Variants in SNRNP200 observed in about 807,000 individuals in gnomAD.
The protein encoded by SNRNP200 is U5 small nuclear ribonucleoprotein 200 kDa helicase.
SNRNP200 carries 66 observed loss-of-function variants against 255.2 expected under a neutral mutation model. That is an observed-to-expected ratio of 0.26 (90% confidence interval 0.21 to 0.32). The LOEUF (loss-of-function observed/expected upper bound fraction) is 0.32, where lower values mean the gene tolerates loss of function less well. SNRNP200 is among the 10% of genes least tolerant of loss of function. The probability of loss-of-function intolerance (pLI) is 1.00; values close to 1 mark genes in which losing one functional copy is unlikely to be tolerated. For synonymous variants in SNRNP200, 939 were observed against 1,027.8 expected, an observed-to-expected ratio of 0.91 and a Z score of 1.65; for missense variants, 1,585 against 2,749.8, an observed-to-expected ratio of 0.58 and a Z score of 9.47.
At chr2:96,276,823 G>A in intron 43 of SNRNP200, 81 bp downstream of exon 43, 1 of 1,268,996 alleles carries the variant, frequency 7.9e-7, no homozygotes, top group Admixed American at 1.7e-5. Context: ...CCTCCCTCAG[G>A]GACAGTGTGC....
In SNRNP200 at chr2:96,274,720, A is replaced by G; in HGVS notation, c.*292T>C. On this transcript the variant is annotated 3_prime_UTR_variant, in exon 45 of 45. Transcript: ENST00000323853. The stretch of plus-strand genomic sequence containing the variant: ...AGAAAACTTTTAATTTGGAATCACT[A>G]CAAAGACAAATGGTTTCTACAAATT... The G allele has an allele frequency of 2.2e-6, 1 of 453,032 alleles. No individual in the cohort carries two copies. 28.1% of individuals were successfully genotyped at this position (453,032 alleles called of 1,614,324 possible).
chr2:96,293,559 C>G (rs2063898232), intron 14 of SNRNP200, 50 bp from the exon 15 acceptor site: 4 of 1,542,144 alleles, frequency 2.6e-6, no homozygotes, highest in Non-Finnish European at 2.7e-6. Context: ...GATACATAGT[C>G]CCTTTTCCTG....
At chr2:96,297,135 G>A in intron 11 of SNRNP200, 65 bp from the exon 12 acceptor site, 1 of 1,610,228 alleles carries the variant, frequency 6.2e-7, no homozygotes, top group Non-Finnish European at 8.5e-7. Flanking sequence ...GTTATTGTGG[G>A]ATTGCCAGGA....
chr2:96,276,503 C>G (rs2104329171), intron 43 of SNRNP200: 1 of 263,734 alleles, frequency 3.8e-6, no homozygotes, highest in African/African-American at 2.2e-5. Flanking sequence ...CTCGCTGCAG[C>G]CTCCGCCTCC....
chr2:96,283,602 G>C lies in SNRNP200; in HGVS notation c.4696C>G (p.Arg1566Gly). The C allele has an allele frequency of 6.2e-7, 1 of 1,614,066 alleles. No individual in the cohort carries two copies. The highest frequency in any genetic ancestry group is 8.5e-7 in the Non-Finnish European group (1 of 1,180,044). ...ATGGCAGTGAGGCGGGTCTGCTTGC[G>C]AGACGGCACAAAGACAATGACAGGC... ...KKPVIVFVPSRKQTRLTAIDI... is the reference protein window; with the variant it reads ...KKPVIVFVPSGKQTRLTAIDI... Residue 1566 changes from arginine to glycine, a missense_variant, in exon 33 of 45, where the codon CGC becomes GGC. Coordinates refer to ENST00000323853, the MANE Select transcript of SNRNP200 (RefSeq NM_014014.5). The surrounding 1 kb of genome is among the most constrained non-coding windows in gnomAD (Gnocchi z 4.7).
rs368278928 is a variant in SNRNP200 at position 96,295,644 on chromosome 2, A to G, written c.1686T>C (p.Tyr562=). ...CAGTCAGTTCAGCAACAGTGATGCC[A>G]TAAGTGGCCAGGCGCTGTGGGAGGA... ...VGSFGKRLAT[Y]GITVAELTGD... Residue 562 remains tyrosine, a synonymous_variant, in exon 14 of 45, where the codon TAT becomes TAC. Transcript: ENST00000323853. 1.2e-4 allele frequency: 196 copies of G among 1,613,744 alleles called. No homozygotes were observed. Among genetic ancestry groups the G allele is most frequent in the Admixed American group, 3.5e-4 (21 of 60,010 alleles).
In SNRNP200 at chr2:96,277,602, C is replaced by T. The variant is rs749225501; in HGVS notation, c.5868G>A (p.Lys1956=). ...AQMVTQAMWS[K]DSYLKQLPHF... ...GTGGCAGCTGCTTCAGGTATGAGTC[C>T]TTGGACCACATGGCTTGGGTGACCA... is the stretch of plus-strand genomic sequence containing the variant. Residue 1956 remains lysine (K), a synonymous_variant, in exon 41 of 45, where the codon AAG becomes AAA. Coordinates refer to ENST00000323853, the MANE Select transcript of SNRNP200 (RefSeq NM_014014.5). This position sits in a 1 kb window ranked among gnomAD's most constrained non-coding sequence, Gnocchi z 4.4. 4 of 1,613,888 alleles carry T rather than the reference C, an allele frequency of 2.5e-6. No individual in the cohort carries two copies. The highest frequency in any genetic ancestry group is 1.3e-5 in the African/African-American group (1 of 75,028).
In SNRNP200 at chr2:96,296,517, G is replaced by T. The variant is rs202035167; in HGVS notation, c.1671+19C>A. The T allele has an allele frequency of 3.5e-5, 57 of 1,613,504 alleles. No individual in the cohort carries two copies. The Middle Eastern group carries it at 3.5e-3, about 98-fold the overall frequency. On this transcript the variant is annotated intron_variant, in intron 13 of 44. Coordinates refer to ENST00000323853, the MANE Select transcript of SNRNP200 (RefSeq NM_014014.5). ...TAGGTGCACCCAGTATCCTCTGCAG[G>T]AAAGTTCTACTCCCTCACCTTTCCA...
chr2:96,280,444 G>A (rs1002547602), intron 35 of SNRNP200, among the ~76,000 whole-genome samples: 1 of 152,040 alleles, frequency 6.6e-6, no homozygotes, highest in African/African-American at 2.4e-5. Flanking sequence ...GCTGTAGTGG[G>A]CTGAGATCAT....
intron 30 of SNRNP200, 153 bp downstream of exon 30, chr2:96,285,027 G>A (rs2063835583): frequency 6.7e-6 from 6 of 889,646 alleles, no homozygotes; most frequent in Admixed American, 2.0e-5. Context: ...TGGGATTACA[G>A]GCGTGAGCCA....
intron 35 of SNRNP200, chr2:96,281,112 C>T (rs915027763): frequency 7.3e-5 from 11 of 151,594 alleles, no homozygotes; most frequent in African/African-American, 1.2e-4. Context: ...GATCTGCCCA[C>T]CTTGCCCTCC....
rs2063837674 is a variant in SNRNP200 at position 96,285,321 on chromosome 2, G to A, written c.4023C>T (p.Asn1341=). 1 of 1,614,158 alleles carries A rather than the reference G, an allele frequency of 6.2e-7. No individual in the cohort carries two copies. Among genetic ancestry groups the A allele is most frequent in the East Asian group, 2.2e-5 (1 of 44,884 alleles). The change falls in exon 30 of 45, where the codon AAC becomes AAT. Residue 1341 remains asparagine (N), a synonymous_variant. Transcript: ENST00000323853. The part of the protein sequence containing the change: ...IQTQVFNTVY[N]SDDNVFVGAP... ...CCCCCACAAACACGTTGTCGTCACTGTTGTATACAGTGTTAAACACTGGAA... is the reference window on the plus strand; with the variant it reads ...CCCCCACAAACACGTTGTCGTCACTATTGTATACAGTGTTAAACACTGGAA...
chr2:96,295,725 G>A lies in SNRNP200; in HGVS notation c.1672-67C>T, dbSNP rs569824244. On this transcript the variant is annotated intron_variant, in intron 13 of 44. Coordinates refer to ENST00000323853, the MANE Select transcript of SNRNP200 (RefSeq NM_014014.5). ...GCCTGGACACCATGCTTTCTGTTTG[G>A]GCAATTGGAGTGTAGGGCATTGGGA... is the stretch of plus-strand genomic sequence containing the variant. 14 of 1,558,904 alleles carry A rather than the reference G, an allele frequency of 9.0e-6. No homozygotes were observed. The African/African-American group carries it at 1.9e-4, about 21-fold the overall frequency.
rs746006440 is a variant in SNRNP200, at chr2:96,278,566, G to A, written c.5469C>T (p.Tyr1823=). The A allele has an allele frequency of 1.2e-6, 2 of 1,614,104 alleles. No individual in the cohort carries two copies. Among genetic ancestry groups the A allele is most frequent in the Non-Finnish European group, 1.7e-6 (2 of 1,180,026 alleles). ...LNLGMIAAYY[Y]INYTTIELFS... ...CCTCACCAATGGTGGTGTAGTTGAT[G>A]TAATAGTAGGCGGCGATCATGCCTA... The change falls in exon 38 of 45, where the codon TAC becomes TAT. Residue 1823 remains tyrosine, a synonymous_variant. Transcript: ENST00000323853. This position sits in a 1 kb window ranked among gnomAD's most constrained non-coding sequence, Gnocchi z 6.9.
Position 96,290,127 on chromosome 2 carries a change from A to C in SNRNP200, c.2743-131T>G. On this transcript the variant is annotated intron_variant, in intron 20 of 44. Coordinates refer to ENST00000323853, the MANE Select transcript of SNRNP200 (RefSeq NM_014014.5). This position sits in a 1 kb window ranked among gnomAD's most constrained non-coding sequence, Gnocchi z 4.5. ...ATTACATCGTATTCTGAATGTTTTT[A>C]GCATTTCATTATTAAAAAGATCTAA... is the stretch of plus-strand genomic sequence containing the variant. The C allele has an allele frequency of 9.5e-7, 1 of 1,055,120 alleles. No individual in the cohort carries two copies. Among genetic ancestry groups the C allele is most frequent in the Non-Finnish European group, 1.5e-6 (1 of 681,912 alleles). 65.4% of individuals were successfully genotyped at this position (1,055,120 alleles called of 1,614,324 possible). A position where few individuals can be genotyped will look rare whatever the true frequency, so the allele number is the denominator to read the frequency against.
chr2:96,285,355 A>G lies in SNRNP200; in HGVS notation c.4004-15T>C. 1 of 1,613,982 alleles carries G rather than the reference A, an allele frequency of 6.2e-7. No homozygotes were observed. The highest frequency in any genetic ancestry group is 8.5e-7 in the Non-Finnish European group (1 of 1,179,942). On this transcript the variant is annotated splice_polypyrimidine_tract_variant and intron_variant, in intron 29 of 44. Transcript: ENST00000323853. ...AGTGTTAAACACTGGAAACCAACAG[A>G]AAGAAGCAGTGTAAGTATCAAGAAG...
chr2:96,292,076 G>T (rs899045040), intron 16 of SNRNP200, among the ~76,000 whole-genome samples, 176 bp from the exon 17 acceptor site: 1 of 152,132 alleles, frequency 6.6e-6, no homozygotes, highest in Non-Finnish European at 1.5e-5. Context: ...GACTTTTAAG[G>T]GAATGCACCC....
chr2:96,304,005 A>T (rs772066708), intron 2 of SNRNP200, among the ~76,000 whole-genome samples: 9 of 152,166 alleles, frequency 5.9e-5, no homozygotes, highest in Non-Finnish European at 1.2e-4. Flanking sequence ...CTAGAGAACC[A>T]AGCTCTAACA....
intron 30 of SNRNP200, 186 bp downstream of exon 30, chr2:96,284,994 C>G: frequency 1.4e-6 from 1 of 709,010 alleles, no homozygotes; most frequent in South Asian, 1.5e-5. Flanking sequence ...CGGAGATCTG[C>G]CCGCCTCGGC....
Sources: gnomAD v4.1 joint callset for allele counts (sites outside exome capture counted in the v4.1 genomes callset) on GRCh38, gnomAD v4.1.1 for gene constraint, Gnocchi (gnomAD v3.1) non-coding constraint, MANE v1.5 for transcripts, NCBI Gene and HGNC (gene_info 2026-07-23, HGNC 2026-07-21) for gene names.